ZNF248: variants seen among roughly 807,000 people sequenced by gnomAD.
The protein encoded by ZNF248 is zinc finger protein 248, also known as KRAB protein domain.
ZNF248 carries 20 observed loss-of-function variants against 44.3 expected under a neutral mutation model. The ratio of observed to expected loss-of-function variants is 0.45; its 90% CI spans 0.32 to 0.66. The LOEUF (loss-of-function observed/expected upper bound fraction) is 0.66, where lower values mean the gene tolerates loss of function less well. ZNF248 is among the 30% of genes least tolerant of loss of function. ZNF248 has a pLI of 0.04. For synonymous variants in ZNF248, 224 were observed against 229.0 expected (o/e 0.98, Z 0.20); for missense variants, 654 against 677.0 (o/e 0.97, Z 0.38).
intron 3 of ZNF248, among the ~76,000 whole-genome samples, chr10:37,853,949 A>G (rs967970058): frequency 3.9e-5 from 6 of 152,204 alleles, no homozygotes; most frequent in Non-Finnish European, 7.3e-5. Context: ...ACGAAAGCCT[A>G]CCCACTCTCT....
intron 3 of ZNF248, among the ~76,000 whole-genome samples, chr10:37,852,723 A>AT (rs1286262956): frequency 6.7e-6 from 1 of 149,146 alleles, no homozygotes; most frequent in Non-Finnish European, 1.5e-5. Flanking sequence ...TAATATATGT[A>AT]TTTATATATG....
At chr10:37,817,124 A>C (rs1045087123) in intron 6 of ZNF248, among the ~76,000 whole-genome samples, 3 of 152,092 alleles carry the variant, frequency 2.0e-5, no homozygotes, top group African/African-American at 7.2e-5. Context: ...TGTAGATGCC[A>C]CTGCCCTCAA....
chr10:37,808,526 C>A (rs1458366951), intron 6 of ZNF248, among the ~76,000 whole-genome samples: 1 of 152,060 alleles, frequency 6.6e-6, no homozygotes, highest in East Asian at 1.9e-4. Context: ...CTCAAGTGAT[C>A]CACCTGCTTT....
chr10:37,830,430 A>T lies in ZNF248; in HGVS notation c.*1185T>A, dbSNP rs79835785. 15,774 of 985,344 alleles carry T rather than the reference A, an allele frequency of 0.016. 229 individuals carry two copies. The highest frequency in any genetic ancestry group is 0.1 in the East Asian group (909 of 8,794). The allele number at this position is 985,344 out of a possible 1,614,324, so 61.0% of individuals were successfully genotyped here. On this transcript the variant is annotated 3_prime_UTR_variant, in exon 6 of 6. Transcript: ENST00000395867. ...AAAAACATATACTGGCCAACCTACA[A>T]AGAGACTCCGGTAGTATTTAGAGTA...
downstream of ZNF248, among the ~76,000 whole-genome samples, chr10:37,773,954 C>A (rs1195760026): frequency 6.6e-6 from 1 of 151,886 alleles, no homozygotes; most frequent in African/African-American, 2.4e-5. Flanking sequence ...TCGACCAGCC[C>A]CTATAATCAC....
intron 6 of ZNF248, among the ~76,000 whole-genome samples, chr10:37,822,110 T>C (rs1412741134): frequency 6.6e-6 from 1 of 152,222 alleles, no homozygotes; most frequent in African/African-American, 2.4e-5. Context: ...CATGAGCCAC[T>C]GTAGACACTC....
chr10:37,796,158 G>A (rs1356334588), intron 6 of ZNF248: 6 of 151,922 alleles, frequency 3.9e-5, no homozygotes, highest in Non-Finnish European at 7.4e-5. Flanking sequence ...AATAATAAAA[G>A]GGGGGGAAGC....
chr10:37,776,827 G>C (rs2132788367), intron 6 of ZNF248, among the ~76,000 whole-genome samples: 3 of 152,208 alleles, frequency 2.0e-5, no homozygotes, highest in Middle Eastern at 3.4e-3. Context: ...GATGGTTTTA[G>C]GTAGGGTGGT....
intron 5 of ZNF248, among the ~76,000 whole-genome samples, chr10:37,834,634 T>A (rs1006654525): frequency 6.6e-6 from 1 of 152,194 alleles, no homozygotes; most frequent in African/African-American, 2.4e-5. Flanking sequence ...TGAACAGGTC[T>A]AAGTTTTTGG....
intron 6 of ZNF248, chr10:37,820,411 A>G (rs1391542014): frequency 1.0e-5 from 16 of 1,529,468 alleles, no homozygotes; most frequent in Non-Finnish European, 8.1e-6. Context: ...CTGTTGGCAG[A>G]GCAGACTGCT....
intron 6 of ZNF248, chr10:37,796,105 T>A (rs2049124636): frequency 6.6e-6 from 1 of 152,224 alleles, no homozygotes; most frequent in African/African-American, 2.4e-5. Flanking sequence ...AGTCTGTCTA[T>A]TTGATTAACT....
chr10:37,813,102 A>G (rs1441512009), intron 6 of ZNF248, among the ~76,000 whole-genome samples: 1 of 152,122 alleles, frequency 6.6e-6, no homozygotes, highest in Non-Finnish European at 1.5e-5. Flanking sequence ...TCAAGATCTC[A>G]TAGACTTCAC....
intron 3 of ZNF248, among the ~76,000 whole-genome samples, chr10:37,844,166 C>T (rs970975554): frequency 4.6e-5 from 7 of 152,088 alleles, no homozygotes; most frequent in African/African-American, 1.7e-4. Context: ...GGTCAGACAC[C>T]ATAGAGACCA....
At chr10:37,833,561 C>T (rs1392590792) in intron 5 of ZNF248, among the ~76,000 whole-genome samples, 1 of 152,090 alleles carries the variant, frequency 6.6e-6, no homozygotes, top group African/African-American at 2.4e-5. Flanking sequence ...AGAGCTTGGT[C>T]CTAATCCCCT....
chr10:37,839,753 T>C (rs2057992880), intron 3 of ZNF248, among the ~76,000 whole-genome samples: 1 of 152,150 alleles, frequency 6.6e-6, no homozygotes, highest in African/African-American at 2.4e-5. Context: ...CTGTAAGTAC[T>C]GATGGATCAA....
At chr10:37,812,946 G>A (rs2051770273) in intron 6 of ZNF248, among the ~76,000 whole-genome samples, 1 of 150,956 alleles carries the variant, frequency 6.6e-6, no homozygotes, top group Non-Finnish European at 1.5e-5. Flanking sequence ...ACTATATCCG[G>A]ATGTTGTATA....
the ZNF248 span, among the ~76,000 whole-genome samples, chr10:37,760,388 G>A: frequency 1.3e-5 from 2 of 151,986 alleles, no homozygotes; most frequent in Non-Finnish European, 2.9e-5. Flanking sequence ...AAGCCACCAG[G>A]CCCAGATAAT....
chr10:37,819,502 G>A, intron 6 of ZNF248: 1 of 1,234,336 alleles, frequency 8.1e-7, no homozygotes. Context: ...AAACTTTACT[G>A]AAACCTCCTC....
At chr10:37,814,384 A>T (rs2052082224) in intron 6 of ZNF248, among the ~76,000 whole-genome samples, 1 of 152,234 alleles carries the variant, frequency 6.6e-6, no homozygotes, top group South Asian at 2.1e-4. Context: ...TTAGTCTCTT[A>T]AATCATGTAA....
Sources: allele counts gnomAD v4.1 joint callset (sites outside exome capture counted in the v4.1 genomes callset), GRCh38; gene constraint gnomAD v4.1.1; transcripts MANE v1.5; gene names NCBI Gene and HGNC (gene_info 2026-07-23, HGNC 2026-07-21).